STAG1: variants seen among roughly 807,000 people sequenced by gnomAD.
STAG1 encodes STAG1 cohesin complex component.
STAG1 carries 26 observed loss-of-function variants against 170.9 expected under a neutral mutation model. That is an observed-to-expected ratio of 0.15 (90% confidence interval 0.11 to 0.21). STAG1 has a LOEUF of 0.21. STAG1 is among the 10% of genes least tolerant of loss of function. The pLI is 1.00. For synonymous variants in STAG1, 514 were observed against 497.7 expected, an observed-to-expected ratio of 1.03 and a Z score of -0.44; for missense variants, 964 against 1,509.5, an observed-to-expected ratio of 0.64 and a Z score of 5.99.
At chr3:136,686,113 A>C (rs562176742) in intron 1 of STAG1, among the ~76,000 whole-genome samples, 1 of 152,338 alleles carries the variant, frequency 6.6e-6, no homozygotes, top group East Asian at 1.9e-4. Context: ...TTAAGATTAC[A>C]GCAGGTTGTT....
chr3:136,439,905 A>T (rs1163441971), intron 15 of STAG1, among the ~76,000 whole-genome samples: 2 of 152,188 alleles, frequency 1.3e-5, no homozygotes, highest in African/African-American at 4.8e-5. Context: ...ACCAAACCCA[A>T]GCCAAGCCAA....
intron 1 of STAG1, among the ~76,000 whole-genome samples, chr3:136,724,893 G>A (rs575224427): frequency 2.0e-5 from 3 of 152,260 alleles, no homozygotes; most frequent in African/African-American, 7.2e-5. Flanking sequence ...AGGCTGAAAA[G>A]AGACTGTGAA....
At chr3:136,344,103 A>G (rs1277621180) in intron 29 of STAG1, 97 bp from the exon 30 acceptor site, 1 of 839,312 alleles carries the variant, frequency 1.2e-6, no homozygotes, top group African/African-American at 1.8e-5. Context: ...CTCTGCAGTC[A>G]GACTGCCCAC....
intron 6 of STAG1, among the ~76,000 whole-genome samples, chr3:136,529,059 T>A (rs969324418): frequency 2.0e-5 from 3 of 151,962 alleles, no homozygotes; most frequent in African/African-American, 7.3e-5. Context: ...AAAGACTGGA[T>A]CAAGCAGAAA....
chr3:136,408,540 C>T (rs2087544777), intron 21 of STAG1, among the ~76,000 whole-genome samples: 1 of 151,492 alleles, frequency 6.6e-6, no homozygotes, highest in African/African-American at 2.4e-5. Flanking sequence ...TTTGCACCAA[C>T]CCATAAGGGA....
intron 3 of STAG1, among the ~76,000 whole-genome samples, chr3:136,616,130 A>C (rs1464855660): frequency 1.3e-5 from 2 of 151,454 alleles, no homozygotes; most frequent in Non-Finnish European, 1.5e-5. Flanking sequence ...GTAGCCAGGC[A>C]TGGTGGTGGG....
At chr3:136,629,337 G>C (rs1940232790) in intron 2 of STAG1, among the ~76,000 whole-genome samples, 1 of 152,086 alleles carries the variant, frequency 6.6e-6, no homozygotes, top group Non-Finnish European at 1.5e-5. Context: ...TACTTTTCTG[G>C]AGGCATAAGA....
intron 1 of STAG1, among the ~76,000 whole-genome samples, chr3:136,707,199 T>C (rs1238139226): frequency 6.6e-6 from 1 of 152,210 alleles, no homozygotes; most frequent in Non-Finnish European, 1.5e-5. Flanking sequence ...AGAAAAATTA[T>C]ATAAACTGGA....
chr3:136,692,597 T>C (rs1942762928), intron 1 of STAG1, among the ~76,000 whole-genome samples: 1 of 151,834 alleles, frequency 6.6e-6, no homozygotes, highest in Non-Finnish European at 1.5e-5. Context: ...ATCGTGCCAC[T>C]GCACTCTAGC....
chr3:136,707,520 G>C (rs1943261030), intron 1 of STAG1, among the ~76,000 whole-genome samples: 1 of 152,166 alleles, frequency 6.6e-6, no homozygotes, highest in Non-Finnish European at 1.5e-5. Context: ...TAGGGTATTA[G>C]TCCATTTTGT....
intron 1 of STAG1, among the ~76,000 whole-genome samples, chr3:136,673,860 T>C (rs570394159): frequency 1.3e-5 from 2 of 151,974 alleles, no homozygotes; most frequent in Non-Finnish European, 2.9e-5. Flanking sequence ...CCCAGCACTT[T>C]GGGAGGCCGA....
At chr3:136,581,253 T>A (rs1020726620) in intron 4 of STAG1, among the ~76,000 whole-genome samples, 5 of 152,246 alleles carry the variant, frequency 3.3e-5, no homozygotes, top group African/African-American at 7.2e-5. Context: ...TTTACATTAC[T>A]ATTTTCTGAA....
At chr3:136,469,538 T>C (rs1473454444) in intron 12 of STAG1, among the ~76,000 whole-genome samples, 1 of 152,128 alleles carries the variant, frequency 6.6e-6, no homozygotes, top group Non-Finnish European at 1.5e-5. Flanking sequence ...ATAATCAATA[T>C]CGTGAAAATG....
In STAG1 at chr3:136,337,764, C is replaced by G. The variant is rs377764669; in HGVS notation, c.*490G>C. The G allele has an allele frequency of 1.3e-5, 2 of 152,700 alleles. No homozygotes were observed. The highest frequency in any genetic ancestry group is 1.5e-5 in the Non-Finnish European group (1 of 68,190). 9.5% of individuals were successfully genotyped at this position (152,700 alleles called of 1,614,324 possible). A position where few individuals can be genotyped will look rare whatever the true frequency, so the allele number is the denominator to read the frequency against. ...ATCCAGTGAACTCCAAAACACTCTT[C>G]GCAATTAGGATGAGCTGCTTACTCA... On this transcript the variant is annotated 3_prime_UTR_variant, in exon 34 of 34. Coordinates refer to ENST00000383202, the MANE Select transcript of STAG1 (RefSeq NM_005862.3).
chr3:136,587,037 T>C (rs975563744), intron 4 of STAG1: 1 of 362,392 alleles, frequency 2.8e-6, no homozygotes, highest in Non-Finnish European at 5.4e-6. Flanking sequence ...AAATGAGAAA[T>C]TGTCTATCAT....
At chr3:136,643,622 C>T (rs1940883435) in intron 1 of STAG1, among the ~76,000 whole-genome samples, 1 of 152,196 alleles carries the variant, frequency 6.6e-6, no homozygotes, top group Non-Finnish European at 1.5e-5. Flanking sequence ...AATCCTCCCA[C>T]TTCTGCCTCC....
intron 15 of STAG1, among the ~76,000 whole-genome samples, chr3:136,436,001 A>C (rs2088450841): frequency 6.6e-6 from 1 of 151,948 alleles, no homozygotes; most frequent in Non-Finnish European, 1.5e-5. Flanking sequence ...TCCATCGCCC[A>C]GGCCAGAAGG....
At chr3:136,468,329 C>A (rs193207435) in intron 12 of STAG1, among the ~76,000 whole-genome samples, 1 of 152,072 alleles carries the variant, frequency 6.6e-6, no homozygotes, top group African/African-American at 2.4e-5. Context: ...GGGGATATCA[C>A]CACCGATCCC....
chr3:136,373,962 T>A (rs1273392380), intron 23 of STAG1, among the ~76,000 whole-genome samples: 3 of 152,154 alleles, frequency 2.0e-5, no homozygotes, highest in South Asian at 2.1e-4. Flanking sequence ...CCCATTATTA[T>A]TGTGTGGGAG....
Sources: allele counts gnomAD v4.1 joint callset (sites outside exome capture counted in the v4.1 genomes callset), GRCh38; gene constraint gnomAD v4.1.1; transcripts MANE v1.5; gene names NCBI Gene and HGNC (gene_info 2026-07-23, HGNC 2026-07-21).